The following CACNA2D3 variants were observed in gnomAD, a reference collection of about 807,000 sequenced individuals.
CACNA2D3 encodes the protein calcium voltage-gated channel auxiliary subunit alpha2delta 3, also known as voltage-dependent calcium channel subunit alpha-2/delta-3.
In CACNA2D3, 60 loss-of-function variants were observed where a neutral mutation model predicts 160.6. The observed-to-expected ratio is 0.37, with a 90% CI of 0.30 to 0.46. The LOEUF (loss-of-function observed/expected upper bound fraction) is 0.46. Among genes scored for constraint, CACNA2D3 ranks in the 20% least tolerant of loss-of-function variants. The pLI is 1.00. For missense variants in CACNA2D3, 1,205 were observed against 1,365.0 expected (o/e 0.88, Z 1.85); for synonymous variants, 558 against 492.9 (o/e 1.13, Z -1.75).
chr3:54,572,437 C>T (rs11915677), intron 8 of CACNA2D3, among the ~76,000 whole-genome samples: 54,033 of 152,018 alleles, frequency 0.36, 10,632 homozygotes, highest in Middle Eastern at 0.48. Context: ...GATTATCTCA[C>T]TGAATCCTCA....
At chr3:54,571,290 T>C (rs956429783) in intron 8 of CACNA2D3, among the ~76,000 whole-genome samples, 1 of 152,134 alleles carries the variant, frequency 6.6e-6, no homozygotes, top group East Asian at 1.9e-4. Context: ...ATATTTCTTA[T>C]CAGACTTAAA....
chr3:54,951,647 G>A (rs570416689), intron 27 of CACNA2D3, among the ~76,000 whole-genome samples: 68 of 150,848 alleles, frequency 4.5e-4, no homozygotes, highest in Non-Finnish European at 8.8e-4. Context: ...CAGGGCTCCA[G>A]TCCCAGTTCC....
intron 4 of CACNA2D3, among the ~76,000 whole-genome samples, chr3:54,436,090 A>T (rs1443600147): frequency 6.6e-6 from 1 of 152,218 alleles, no homozygotes; most frequent in Non-Finnish European, 1.5e-5. Context: ...GAATAATAAC[A>T]AAAGAACTAG....
At chr3:54,142,647 C>T (rs944772354) in intron 2 of CACNA2D3, among the ~76,000 whole-genome samples, 4 of 152,058 alleles carry the variant, frequency 2.6e-5, no homozygotes, top group African/African-American at 9.7e-5. Flanking sequence ...TAATGTAAGC[C>T]CAGACAGCAT....
Position 54,665,987 on chromosome 3 carries a change from G to C in CACNA2D3, c.1167+23746G>C, listed in dbSNP as rs1211063714. Among the ~76,000 whole-genome samples, 6 of 152,120 alleles carry C rather than the reference G, an allele frequency of 3.9e-5. No individual in the cohort carries two copies. The South Asian group carries it at 1.0e-3, about 26-fold the overall frequency. On this transcript the variant is annotated intron_variant, in intron 11 of 37. Transcript: ENST00000474759. ...CAGCTAATTTTTTTGTAGGGATGGA[G>C]TCTCACCATGTTGCCCAGGCTGAGA...
At chr3:54,713,422 A>C (rs1700991017) in intron 11 of CACNA2D3, among the ~76,000 whole-genome samples, 2 of 152,244 alleles carry the variant, frequency 1.3e-5, no homozygotes, top group South Asian at 4.1e-4. Flanking sequence ...TTATCCTCAC[A>C]TAAAAGTGGC....
At chr3:54,545,101 A>G (rs1702040871) in intron 5 of CACNA2D3, among the ~76,000 whole-genome samples, 1 of 152,224 alleles carries the variant, frequency 6.6e-6, no homozygotes, top group East Asian at 1.9e-4. Flanking sequence ...ATATGTTCCA[A>G]ACTAACAAAC....
intron 2 of CACNA2D3, among the ~76,000 whole-genome samples, chr3:54,234,359 A>AT (rs1374193248): frequency 1.3e-5 from 2 of 152,220 alleles, no homozygotes; most frequent in Non-Finnish European, 2.9e-5. Flanking sequence ...ACCAAAAAGC[A>AT]GATGCTGGTG....
At chr3:54,921,892 G>A (rs1278143699) in intron 27 of CACNA2D3, among the ~76,000 whole-genome samples, 1 of 152,122 alleles carries the variant, frequency 6.6e-6, no homozygotes, top group Non-Finnish European at 1.5e-5. Context: ...TACCTGTAGT[G>A]TTTGCATTTG....
intron 35 of CACNA2D3, among the ~76,000 whole-genome samples, chr3:55,039,272 A>T (rs1422216735): frequency 3.3e-5 from 5 of 152,118 alleles, no homozygotes; most frequent in Admixed American, 6.5e-5. Context: ...CTGCAGCACT[A>T]TGCTATTCTC....
At chr3:54,819,011 G>A (rs1703524876) in intron 14 of CACNA2D3, among the ~76,000 whole-genome samples, 1 of 152,110 alleles carries the variant, frequency 6.6e-6, no homozygotes, top group Admixed American at 6.5e-5. Context: ...AAGGCTGCAA[G>A]TCTCCACCTG....
rs900447903 is a variant in CACNA2D3, at chr3:54,130,680, C to G, written c.204+7086C>G. On this transcript the variant is annotated intron_variant, in intron 2 of 37. Transcript: ENST00000474759. Reference sequence around the variant, plus strand: ...AGGTGACTGAGCAGGGTCTACACATCTGGCCACAGTGCTATATTTTCTTGT... The same window carrying G: ...AGGTGACTGAGCAGGGTCTACACATGTGGCCACAGTGCTATATTTTCTTGT... Among the ~76,000 whole-genome samples the G allele has an allele frequency of 8.5e-5, 13 of 152,374 alleles. 1 individual carries two copies. In the South Asian group the frequency reaches 2.7e-3, roughly 32 times the overall value.
chr3:54,328,374 C>T (rs760384651), intron 3 of CACNA2D3, among the ~76,000 whole-genome samples: 18 of 152,226 alleles, frequency 1.2e-4, no homozygotes, highest in Middle Eastern at 6.8e-3. Context: ...CTCCGCCTCC[C>T]GGGTTCAAGC....
chr3:54,132,024 A>T (rs1305364400), intron 2 of CACNA2D3, among the ~76,000 whole-genome samples: 1 of 152,254 alleles, frequency 6.6e-6, no homozygotes, highest in Non-Finnish European at 1.5e-5. Flanking sequence ...TACTGGATTC[A>T]GGTAATCTAC....
In CACNA2D3 at chr3:54,206,274, G is replaced by A. The variant is rs116622752; in HGVS notation, c.204+82680G>A. Among the ~76,000 whole-genome samples the A allele has an allele frequency of 2.4e-3, 372 of 152,262 alleles. 3 individuals are homozygous for A. Among genetic ancestry groups the A allele is most frequent in the African/African-American group, 8.8e-3 (365 of 41,538 alleles). ...TGAACAATGACAGTGCTGGCTGAGG[G>A]TCCTGAGGCTATGAGACACTGAGAA... On this transcript the variant is annotated intron_variant, in intron 2 of 37. Coordinates refer to ENST00000474759, the MANE Select transcript of CACNA2D3 (RefSeq NM_018398.3).
intron 11 of CACNA2D3, among the ~76,000 whole-genome samples, chr3:54,724,716 A>G (rs1162898091): frequency 1.3e-5 from 2 of 152,216 alleles, no homozygotes; most frequent in African/African-American, 4.8e-5. Context: ...TGTTCTTTGA[A>G]ACCAATGAGA....
chr3:54,657,132 C>G (rs1191201685), intron 11 of CACNA2D3, among the ~76,000 whole-genome samples: 2 of 151,904 alleles, frequency 1.3e-5, no homozygotes, highest in African/African-American at 4.8e-5. Context: ...CCAGGATGAG[C>G]CAGGAGAAGG....
chr3:54,489,115 G>A (rs936027481), intron 4 of CACNA2D3, among the ~76,000 whole-genome samples: 3 of 152,220 alleles, frequency 2.0e-5, no homozygotes, highest in Non-Finnish European at 2.9e-5. Context: ...TGGCTGGCCA[G>A]GAGGGCAGAG....
chr3:54,519,995 T>A (rs948318799), intron 5 of CACNA2D3, among the ~76,000 whole-genome samples: 1 of 152,240 alleles, frequency 6.6e-6, no homozygotes, highest in Non-Finnish European at 1.5e-5. Context: ...TATATAAAGC[T>A]GTGTCTGCAT....
Sources: gnomAD v4.1 joint callset for allele counts (sites outside exome capture counted in the v4.1 genomes callset) on GRCh38, gnomAD v4.1.1 for gene constraint, MANE v1.5 for transcripts, NCBI Gene and HGNC (gene_info 2026-07-23, HGNC 2026-07-21) for gene names.